SDK1: variants seen among roughly 807,000 people sequenced by gnomAD.
The protein encoded by SDK1 is protein sidekick-1.
A neutral mutation model predicts 245.5 loss-of-function variants in SDK1; 157 were observed. That is an observed-to-expected ratio of 0.64 (90% CI 0.56 to 0.73). SDK1 has a LOEUF of 0.73. SDK1 is among the 30% of genes least tolerant of loss of function. SDK1 has a pLI of 0.00. For synonymous variants in SDK1, 1,647 were observed against 1,278.5 expected, an observed-to-expected ratio of 1.29 and a Z score of -6.15; for missense variants, 3,583 against 3,002.3, an observed-to-expected ratio of 1.19 and a Z score of -4.52.
intron 4 of SDK1, among the ~76,000 whole-genome samples, chr7:3,707,983 AGACTGAGTAATT>A (rs1784939909): frequency 6.6e-6 from 1 of 152,172 alleles, no homozygotes; most frequent in African/African-American, 2.4e-5. Flanking sequence ...GAAATACCTG[AGACTGAGTAATT>A]TATTTTTTTT....
chr7:3,591,624 A>G (rs1213363042), intron 1 of SDK1, among the ~76,000 whole-genome samples: 1 of 152,188 alleles, frequency 6.6e-6, no homozygotes, highest in East Asian at 1.9e-4. Context: ...ATCTTGGTAG[A>G]TTTGCAGTGG....
intron 1 of SDK1, among the ~76,000 whole-genome samples, chr7:3,468,502 C>T (rs1781081505): frequency 6.6e-6 from 1 of 152,100 alleles, no homozygotes; most frequent in Admixed American, 6.6e-5. Context: ...GCCATAAAAC[C>T]TAAAAGTATT....
At chr7:3,597,372 C>T (rs540877005) in intron 1 of SDK1, among the ~76,000 whole-genome samples, 1 of 151,538 alleles carries the variant, frequency 6.6e-6, no homozygotes, top group Non-Finnish European at 1.5e-5. Context: ...TGGTCAACTT[C>T]TCCATTTTCA....
At chr7:4,096,388 A>C (rs1782152237) in intron 22 of SDK1, among the ~76,000 whole-genome samples, 1 of 151,936 alleles carries the variant, frequency 6.6e-6, no homozygotes, top group Non-Finnish European at 1.5e-5. Flanking sequence ...GCAACGAGCC[A>C]CCCTCCCGGC....
At chr7:3,877,488 G>T (rs972790883) in intron 5 of SDK1, among the ~76,000 whole-genome samples, 28 of 152,250 alleles carry the variant, frequency 1.8e-4, no homozygotes, top group African/African-American at 6.5e-4. Context: ...TCTTTTTGGG[G>T]ATTAGTTAAT....
intron 14 of SDK1, among the ~76,000 whole-genome samples, chr7:3,999,763 G>A (rs1176028155): frequency 1.3e-5 from 2 of 152,206 alleles, no homozygotes; most frequent in Non-Finnish European, 1.5e-5. Context: ...TAAGTACAAA[G>A]TAATACATGC....
intron 28 of SDK1, among the ~76,000 whole-genome samples, chr7:4,145,515 A>G (rs1366821664): frequency 6.6e-6 from 1 of 152,150 alleles, no homozygotes; most frequent in African/African-American, 2.4e-5. Flanking sequence ...AGGATGGAGC[A>G]GGAAACAAGC....
At chr7:4,247,696 G>A (rs932024167) in intron 44 of SDK1, among the ~76,000 whole-genome samples, 2 of 152,212 alleles carry the variant, frequency 1.3e-5, no homozygotes, top group Non-Finnish European at 2.9e-5. Flanking sequence ...GCTCGCTGCT[G>A]TGTGTTTCCA....
At chr7:4,107,217 ATG>A (rs1322859206) in intron 22 of SDK1, among the ~76,000 whole-genome samples, 2 of 151,748 alleles carry the variant, frequency 1.3e-5, no homozygotes, top group African/African-American at 4.8e-5. Flanking sequence ...GCAAAGGTGA[ATG>A]AGCGTCCGCA....
chr7:3,680,421 C>T (rs1452206180), intron 4 of SDK1, among the ~76,000 whole-genome samples: 10 of 151,960 alleles, frequency 6.6e-5, no homozygotes, highest in Non-Finnish European at 1.2e-4. Context: ...TAAATGCGCA[C>T]GTGATAAAAC....
At chr7:4,186,663 A>T (rs74787992) in intron 35 of SDK1, among the ~76,000 whole-genome samples, 2,960 of 152,192 alleles carry the variant, frequency 0.019, 91 homozygotes, top group African/African-American at 0.067. Context: ...GGCTGCCGTC[A>T]ATGAGTAGAG....
chr7:4,215,472 C>T (rs1467645274), intron 38 of SDK1, among the ~76,000 whole-genome samples: 1 of 152,236 alleles, frequency 6.6e-6, no homozygotes, highest in East Asian at 1.9e-4. Context: ...CCTCCTGCTG[C>T]CCTTGGAACC....
chr7:3,543,278 C>A (rs180706743), intron 1 of SDK1, among the ~76,000 whole-genome samples: 1 of 152,206 alleles, frequency 6.6e-6, no homozygotes, highest in Non-Finnish European at 1.5e-5. Context: ...AAAAATAGAT[C>A]CCATTCTTCT....
intron 1 of SDK1, among the ~76,000 whole-genome samples, chr7:3,415,669 C>CA (rs1031362945): frequency 9.9e-5 from 15 of 150,994 alleles, no homozygotes; most frequent in Non-Finnish European, 1.6e-4. Flanking sequence ...TTCTGAGCTG[C>CA]AAACCCATGC....
At chr7:3,673,812 G>T (rs1783799417) in intron 4 of SDK1, among the ~76,000 whole-genome samples, 1 of 152,016 alleles carries the variant, frequency 6.6e-6, no homozygotes, top group South Asian at 2.1e-4. Context: ...CATACACATT[G>T]GTTTTGTTTG....
In SDK1 at chr7:3,524,832, A is replaced by T. The variant is rs568963240; in HGVS notation, c.299-94248A>T. On this transcript the variant is annotated intron_variant, in intron 1 of 44. Transcript: ENST00000404826. ...TTAGAAAAAAAATTGGAGGGTCATCAATCTAACAAAAGGTTTAAAAACTGT... is the reference window on the plus strand; with the variant it reads ...TTAGAAAAAAAATTGGAGGGTCATCTATCTAACAAAAGGTTTAAAAACTGT... Among the ~76,000 whole-genome samples, 202 of 152,280 alleles carry T rather than the reference A, an allele frequency of 1.3e-3. 4 individuals carry two copies. Among genetic ancestry groups the T allele is most frequent in the African/African-American group, 4.7e-3 (196 of 41,548 alleles).
At chr7:3,897,375 G>C (rs894107112) in intron 5 of SDK1, among the ~76,000 whole-genome samples, 1 of 151,976 alleles carries the variant, frequency 6.6e-6, no homozygotes, top group Non-Finnish European at 1.5e-5. Context: ...CCCTTCCCCA[G>C]CCCCTGGCAC....
chr7:3,609,370 G>A (rs1479794881), intron 1 of SDK1, among the ~76,000 whole-genome samples: 1 of 152,126 alleles, frequency 6.6e-6, no homozygotes, highest in Non-Finnish European at 1.5e-5. Flanking sequence ...CAAGATCACA[G>A]AGCTAGTCAG....
intron 31 of SDK1, among the ~76,000 whole-genome samples, chr7:4,160,691 G>A (rs35283398): frequency 0.04 from 6,118 of 152,256 alleles, 189 homozygotes; most frequent in Non-Finnish European, 0.057. Context: ...CAAGGACATT[G>A]AGAACTCCCT....
Sources: allele counts gnomAD v4.1 joint callset (sites outside exome capture counted in the v4.1 genomes callset), GRCh38; gene constraint gnomAD v4.1.1; transcripts MANE v1.5; gene names NCBI Gene and HGNC (gene_info 2026-07-23, HGNC 2026-07-21).